The following DMD variants were observed in gnomAD, a reference collection of about 807,000 sequenced individuals.
DMD encodes the protein dystrophin.
In DMD, 63 loss-of-function variants were observed where a neutral mutation model predicts 330.1. The ratio of observed to expected loss-of-function variants is 0.19; its 90% CI spans 0.16 to 0.24. The LOEUF is 0.24. DMD is among the 10% of genes least tolerant of loss of function. The pLI, the probability that DMD is intolerant of heterozygous loss-of-function variation, is 1.00. For missense variants in DMD, 3,344 were observed against 2,684.1 expected, an observed-to-expected ratio of 1.25 and a Z score of -5.43; for synonymous variants, 1,223 against 959.8, an observed-to-expected ratio of 1.27 and a Z score of -5.07.
intron 9 of DMD, among the ~76,000 whole-genome samples, chrX:32,687,375 G>A (rs939907533): frequency 1.8e-5 from 2 of 111,449 alleles, no homozygotes; most frequent in South Asian, 3.7e-4. Flanking sequence ...GTTATTCTTC[G>A]GATGTAACAC....
chrX:31,675,314 G>A (rs768742031), intron 53 of DMD, among the ~76,000 whole-genome samples: 4 of 111,450 alleles, frequency 3.6e-5, no homozygotes, highest in Admixed American at 1.9e-4. Context: ...TGACATCTCC[G>A]GTTTTATTTC....
intron 27 of DMD, among the ~76,000 whole-genome samples, chrX:32,444,241 G>T (rs531688173): frequency 1.9e-4 from 21 of 109,970 alleles, no homozygotes; most frequent in Middle Eastern, 4.7e-3. Flanking sequence ...GGGGGATTTT[G>T]GGCTGAAAAA....
intron 47 of DMD, among the ~76,000 whole-genome samples, chrX:31,878,112 A>G (rs1006958750): frequency 8.9e-5 from 10 of 112,030 alleles, no homozygotes; most frequent in Non-Finnish European, 1.7e-4. Flanking sequence ...TAATAGAGGT[A>G]AAACAATTCC....
intron 55 of DMD, among the ~76,000 whole-genome samples, chrX:31,529,501 T>A (rs1011640341): frequency 9.0e-6 from 1 of 111,678 alleles, no homozygotes; most frequent in Non-Finnish European, 1.9e-5. Flanking sequence ...TAGCAGTCAA[T>A]AAAATGGGCA....
At chrX:33,008,026 A>C (rs2093430498) in intron 2 of DMD, among the ~76,000 whole-genome samples, 1 of 111,472 alleles carries the variant, frequency 9.0e-6, no homozygotes, top group South Asian at 3.8e-4. Context: ...GCTAATGCTA[A>C]ACCAAAGAGT....
At chrX:31,457,346 G>C (rs1460004150) in intron 59 of DMD, among the ~76,000 whole-genome samples, 1 of 111,481 alleles carries the variant, frequency 9.0e-6, no homozygotes, top group Non-Finnish European at 1.9e-5. Flanking sequence ...GCACAAATTT[G>C]TTTATTCATT....
intron 7 of DMD, among the ~76,000 whole-genome samples, chrX:32,701,013 G>A (rs1423845204): frequency 8.9e-6 from 1 of 111,896 alleles, no homozygotes; most frequent in Non-Finnish European, 1.9e-5. Context: ...AAAAATTAAT[G>A]TTCCTTGGTC....
intron 55 of DMD, among the ~76,000 whole-genome samples, chrX:31,555,735 T>C (rs1157147426): frequency 1.8e-5 from 2 of 112,040 alleles, no homozygotes; most frequent in African/African-American, 6.5e-5. Flanking sequence ...AAGCACACCA[T>C]AATTGGGAAG....
chrX:32,566,123 G>C (rs1050695119), intron 15 of DMD, among the ~76,000 whole-genome samples: 1 of 112,215 alleles, frequency 8.9e-6, no homozygotes, highest in Non-Finnish European at 1.9e-5. Flanking sequence ...AGACCTACTA[G>C]AGGTAATTAA....
chrX:31,486,240 G>A (rs775584421), intron 57 of DMD, among the ~76,000 whole-genome samples: 1 of 112,574 alleles, frequency 8.9e-6, no homozygotes, highest in South Asian at 3.7e-4. Context: ...TATAGTAAAT[G>A]CTCAGTAAAC....
intron 1 of DMD, among the ~76,000 whole-genome samples, chrX:33,108,543 G>GT (rs1292343899): frequency 1.9e-5 from 2 of 107,997 alleles, no homozygotes; most frequent in Non-Finnish European, 3.8e-5. Flanking sequence ...TGGGATTACA[G>GT]GCATGATCCA....
intron 44 of DMD, among the ~76,000 whole-genome samples, chrX:31,998,210 T>G (rs2095602571): frequency 8.9e-6 from 1 of 112,087 alleles, no homozygotes; most frequent in African/African-American, 3.2e-5. Context: ...ATCCTAACAG[T>G]TAAAAACACA....
At chrX:31,945,330 CT>C (rs201817570) in intron 45 of DMD, among the ~76,000 whole-genome samples, 7 of 111,606 alleles carry the variant, frequency 6.3e-5, no homozygotes, top group East Asian at 2.8e-4. Context: ...AATGGGTCTC[CT>C]TTTTTTTATT....
At chrX:32,330,990 A>T (rs780224314) in intron 41 of DMD, among the ~76,000 whole-genome samples, 1 of 111,718 alleles carries the variant, frequency 9.0e-6, no homozygotes, top group African/African-American at 3.2e-5. Context: ...CTCTGTGTTA[A>T]TTCAATAAGT....
intron 29 of DMD, among the ~76,000 whole-genome samples, chrX:32,432,535 C>A (rs1418392057): frequency 8.9e-6 from 1 of 111,901 alleles, no homozygotes; most frequent in Non-Finnish European, 1.9e-5. Flanking sequence ...CTGTCCTAGC[C>A]CTTGAGAACA....
intron 1 of DMD, among the ~76,000 whole-genome samples, chrX:33,172,339 A>G (rs2049396828): frequency 9.0e-6 from 1 of 111,576 alleles, no homozygotes; most frequent in African/African-American, 3.2e-5. Flanking sequence ...GTTTTTATTT[A>G]CTCATTTTTG....
intron 1 of DMD, among the ~76,000 whole-genome samples, chrX:33,286,391 A>G (rs2053433536): frequency 1.8e-5 from 2 of 111,993 alleles, no homozygotes; most frequent in Admixed American, 1.9e-4. Flanking sequence ...GACTTATACA[A>G]TGAGTACATA....
chrX:32,861,819 G>C (rs1240446085), intron 2 of DMD, among the ~76,000 whole-genome samples: 2 of 111,715 alleles, frequency 1.8e-5, no homozygotes, highest in Admixed American at 1.9e-4. Flanking sequence ...AAAGTGGAGA[G>C]TAGGGCCAAA....
intron 44 of DMD, among the ~76,000 whole-genome samples, chrX:32,093,508 T>A (rs150840766): frequency 1.3e-3 from 147 of 112,303 alleles, no homozygotes; most frequent in Middle Eastern, 4.6e-3. Flanking sequence ...TATTAAAATA[T>A]GTTAATTATT....
Sources: gnomAD v4.1 joint callset for allele counts (sites outside exome capture counted in the v4.1 genomes callset) on GRCh38, gnomAD v4.1.1 for gene constraint, MANE v1.5 for transcripts, NCBI Gene and HGNC (gene_info 2026-07-23, HGNC 2026-07-21) for gene names.